Variants in PRKG1 observed in about 807,000 individuals in gnomAD.
The protein encoded by PRKG1 is protein kinase cGMP-dependent 1, also known as cGMP-dependent protein kinase 1.
In PRKG1, 35 loss-of-function variants were observed where a neutral mutation model predicts 88.1. The observed-to-expected ratio is 0.40, with a 90% CI of 0.30 to 0.53. PRKG1 has a LOEUF of 0.53. PRKG1 is among the 20% of genes least tolerant of loss of function. The probability of loss-of-function intolerance (pLI) is 0.59; values close to 1 mark genes in which losing one functional copy is unlikely to be tolerated. For missense variants in PRKG1, 540 were observed against 839.8 expected (o/e 0.64, Z 4.41); for synonymous variants, 303 against 292.5 (o/e 1.04, Z -0.37).
chr10:51,814,954 G>C (rs1362675994), intron 4 of PRKG1, among the ~76,000 whole-genome samples: 1 of 152,044 alleles, frequency 6.6e-6, no homozygotes, highest in African/African-American at 2.4e-5. Flanking sequence ...TCTTCCACTT[G>C]AGTCAGTAAT....
At chr10:52,143,189 G>A (rs562022539) in intron 8 of PRKG1, among the ~76,000 whole-genome samples, 32 of 152,270 alleles carry the variant, frequency 2.1e-4, no homozygotes, top group Admixed American at 1.9e-3. Flanking sequence ...AGAGCACCCA[G>A]TGAAGACACC....
intron 3 of PRKG1, among the ~76,000 whole-genome samples, chr10:51,723,547 A>C (rs1244588581): frequency 1.3e-5 from 2 of 152,064 alleles, no homozygotes; most frequent in African/African-American, 4.8e-5. Context: ...GGTGCAGCAA[A>C]CCACCATGGC....
At chr10:52,003,209 G>T (rs1045469851) in intron 5 of PRKG1, among the ~76,000 whole-genome samples, 1 of 152,094 alleles carries the variant, frequency 6.6e-6, no homozygotes, top group Non-Finnish European at 1.5e-5. Context: ...CTAATTAACT[G>T]GTGCCCTTAA....
chr10:50,999,873 G>A (rs1232140217), intron 1 of PRKG1, among the ~76,000 whole-genome samples: 1 of 152,154 alleles, frequency 6.6e-6, no homozygotes, highest in Non-Finnish European at 1.5e-5. Flanking sequence ...GTAGAAACCA[G>A]GTCTGTTTAC....
At chr10:52,261,590 T>C (rs1841434234) in intron 10 of PRKG1, among the ~76,000 whole-genome samples, 1 of 152,042 alleles carries the variant, frequency 6.6e-6, no homozygotes, top group Admixed American at 6.6e-5. Flanking sequence ...CCTCTGTGCC[T>C]CATTCAAACA....
chr10:52,245,206 C>G (rs1045771173), intron 9 of PRKG1, among the ~76,000 whole-genome samples: 5 of 151,788 alleles, frequency 3.3e-5, no homozygotes, highest in Admixed American at 3.3e-4. Context: ...TCTCAATGTT[C>G]TTACTCCTTT....
chr10:51,572,057 T>C (rs539888370), intron 3 of PRKG1, among the ~76,000 whole-genome samples: 1 of 152,056 alleles, frequency 6.6e-6, no homozygotes, highest in South Asian at 2.1e-4. Flanking sequence ...AGGGGCAGTA[T>C]AAAGCAATTT....
At chr10:51,073,236 G>A (rs1843860861), upstream of PRKG1, among the ~76,000 whole-genome samples, 1 of 152,286 alleles carries the variant, frequency 6.6e-6, no homozygotes, top group Non-Finnish European at 1.5e-5. Flanking sequence ...GGGCAGGGAT[G>A]AGGGTGGGAG....
chr10:51,973,673 C>T (rs1343590373), intron 5 of PRKG1, among the ~76,000 whole-genome samples: 1 of 152,144 alleles, frequency 6.6e-6, no homozygotes. Context: ...TTTTCTTATA[C>T]ATCTGTTTTT....
chr10:51,726,512 T>C lies in PRKG1; in HGVS notation c.593-78073T>C, dbSNP rs182186228. On this transcript the variant is annotated intron_variant, in intron 3 of 17. Coordinates refer to ENST00000373980, the MANE Select transcript of PRKG1 (RefSeq NM_006258.4). ...GCTGCATATGCAGTAGTGACCATCA[T>C]GGTTTTTGATAAATTTTGTCAGATG... 1.5e-4 allele frequency among the ~76,000 whole-genome samples: 23 copies of C among 152,330 alleles called. No homozygotes were observed. In the South Asian group the frequency reaches 3.3e-3, roughly 22 times the overall value.
At chr10:52,156,872 G>A (rs1053525118) in intron 8 of PRKG1, among the ~76,000 whole-genome samples, 4 of 151,590 alleles carry the variant, frequency 2.6e-5, no homozygotes, top group Admixed American at 2.0e-4. Flanking sequence ...AGATTTAGAT[G>A]AGATTCAGGT....
intron 1 of PRKG1, among the ~76,000 whole-genome samples, chr10:51,118,037 T>A (rs1028327351): frequency 6.6e-6 from 1 of 152,184 alleles, no homozygotes; most frequent in African/African-American, 2.4e-5. Context: ...CTTGCAGATG[T>A]CATAGATGTT....
intron 2 of PRKG1, among the ~76,000 whole-genome samples, chr10:51,351,781 C>T (rs1158417173): frequency 6.6e-6 from 1 of 152,038 alleles, no homozygotes; most frequent in African/African-American, 2.4e-5. Flanking sequence ...CTTTTGCTGC[C>T]ATTGCTTTTG....
At chr10:51,139,977 T>A (rs1845784200) in intron 1 of PRKG1, among the ~76,000 whole-genome samples, 1 of 152,224 alleles carries the variant, frequency 6.6e-6, no homozygotes, top group Non-Finnish European at 1.5e-5. Context: ...TCTGCTTATG[T>A]CTCGAAATTG....
intron 9 of PRKG1, among the ~76,000 whole-genome samples, chr10:52,205,241 T>C (rs1839788209): frequency 6.6e-6 from 1 of 152,078 alleles, no homozygotes; most frequent in African/African-American, 2.4e-5. Context: ...TGATCTTTTG[T>C]CTCCCTTGAA....
chr10:51,372,905 G>A (rs1278967916), intron 2 of PRKG1, among the ~76,000 whole-genome samples: 2 of 151,956 alleles, frequency 1.3e-5, no homozygotes, highest in Admixed American at 6.6e-5. Context: ...TATTATATTT[G>A]TATGACTCAT....
intron 1 of PRKG1, among the ~76,000 whole-genome samples, chr10:51,105,278 G>A (rs1017848240): frequency 3.3e-5 from 5 of 152,186 alleles, no homozygotes; most frequent in African/African-American, 9.6e-5. Context: ...AGATGCAAAA[G>A]GATATGTATA....
chr10:52,025,319 T>G (rs901138510), intron 5 of PRKG1, among the ~76,000 whole-genome samples: 3 of 152,184 alleles, frequency 2.0e-5, no homozygotes, highest in African/African-American at 4.8e-5. Flanking sequence ...GTGCAGAAGC[T>G]CTTTAGTTTA....
chr10:51,342,727 A>G (rs944284607), intron 2 of PRKG1, among the ~76,000 whole-genome samples: 14 of 152,352 alleles, frequency 9.2e-5, no homozygotes, highest in African/African-American at 3.1e-4. Context: ...CATTACAGGT[A>G]ATACAATCAG....
Sources: gnomAD v4.1 joint callset for allele counts (sites outside exome capture counted in the v4.1 genomes callset) on GRCh38, gnomAD v4.1.1 for gene constraint, MANE v1.5 for transcripts, NCBI Gene and HGNC (gene_info 2026-07-23, HGNC 2026-07-21) for gene names.